The following CNTN5 variants were observed in gnomAD, a reference collection of about 807,000 sequenced individuals.
CNTN5 encodes contactin-5.
CNTN5 carries 77 observed loss-of-function variants against 129.1 expected under a neutral mutation model. The observed-to-expected ratio is 0.60, with a 90% CI of 0.50 to 0.72. CNTN5 has a LOEUF of 0.72. CNTN5 is among the 30% of genes least tolerant of loss of function. CNTN5 has a pLI of 0.00. For synonymous variants in CNTN5, 509 were observed against 465.6 expected, an observed-to-expected ratio of 1.09 and a Z score of -1.20; for missense variants, 1,478 against 1,328.8, an observed-to-expected ratio of 1.11 and a Z score of -1.75.
At chr11:99,647,812 T>A (rs1952021567) in intron 3 of CNTN5, among the ~76,000 whole-genome samples, 1 of 151,864 alleles carries the variant, frequency 6.6e-6, no homozygotes, top group African/African-American at 2.4e-5. Flanking sequence ...TCTATACTAA[T>A]GGGGTTACTT....
chr11:99,101,515 G>C (rs1452900519), intron 1 of CNTN5, among the ~76,000 whole-genome samples: 1 of 152,196 alleles, frequency 6.6e-6, no homozygotes, highest in Admixed American at 6.5e-5. Flanking sequence ...TAGAAACAAT[G>C]GGTACAGACA....
intron 3 of CNTN5, among the ~76,000 whole-genome samples, chr11:99,606,697 A>G (rs1347765352): frequency 1.4e-5 from 2 of 140,422 alleles, no homozygotes; most frequent in Non-Finnish European, 3.2e-5. Flanking sequence ...ACTTCAAACT[A>G]TACTACAAGG....
At chr11:99,146,262 T>A (rs1034434183) in intron 1 of CNTN5, among the ~76,000 whole-genome samples, 4 of 152,146 alleles carry the variant, frequency 2.6e-5, no homozygotes, top group Admixed American at 2.0e-4. Context: ...TGGGTAATAT[T>A]AAAATTGTAT....
At chr11:99,077,852 G>T (rs540374351) in intron 1 of CNTN5, among the ~76,000 whole-genome samples, 1 of 152,198 alleles carries the variant, frequency 6.6e-6, no homozygotes, top group East Asian at 1.9e-4. Flanking sequence ...CCCTTCCCCT[G>T]TAAGTTTGCT....
chr11:99,488,163 T>G (rs1031100873), intron 2 of CNTN5, among the ~76,000 whole-genome samples: 5 of 143,740 alleles, frequency 3.5e-5, no homozygotes, highest in East Asian at 2.0e-4. Context: ...CAAGAAGTTT[T>G]TTTTTTTTTT....
chr11:99,232,101 C>G (rs1244197503), intron 1 of CNTN5, among the ~76,000 whole-genome samples: 1 of 152,126 alleles, frequency 6.6e-6, no homozygotes, highest in African/African-American at 2.4e-5. Flanking sequence ...CAGCTTTGCT[C>G]TTTTTGCTTA....
At chr11:99,668,940 C>A (rs1952915572) in intron 3 of CNTN5, among the ~76,000 whole-genome samples, 1 of 152,110 alleles carries the variant, frequency 6.6e-6, no homozygotes, top group African/African-American at 2.4e-5. Context: ...TCAATATCAA[C>A]TTTAAAATGC....
At chr11:99,944,509 C>T (rs1950513307) in intron 7 of CNTN5, among the ~76,000 whole-genome samples, 1 of 151,930 alleles carries the variant, frequency 6.6e-6, no homozygotes, top group Admixed American at 6.6e-5. Context: ...GAAGTTCTGG[C>T]CAGGGCAATC....
chr11:99,895,323 C>G (rs1259338818), intron 6 of CNTN5, among the ~76,000 whole-genome samples: 2 of 152,278 alleles, frequency 1.3e-5, no homozygotes, highest in African/African-American at 4.8e-5. Flanking sequence ...TTGATCTGTA[C>G]AGTAAGTGAA....
At chr11:99,833,622 T>G (rs1947214308) in intron 4 of CNTN5, among the ~76,000 whole-genome samples, 1 of 152,156 alleles carries the variant, frequency 6.6e-6, no homozygotes, top group Admixed American at 6.5e-5. Flanking sequence ...TTATAATATT[T>G]TAAATTTAGG....
intron 3 of CNTN5, among the ~76,000 whole-genome samples, chr11:99,675,832 T>G (rs2135959394): frequency 6.6e-6 from 1 of 152,312 alleles, no homozygotes. Flanking sequence ...TGTCAACAAG[T>G]AGTTGTGTTA....
At chr11:99,392,194 G>A (rs1941296966) in intron 2 of CNTN5, among the ~76,000 whole-genome samples, 1 of 151,004 alleles carries the variant, frequency 6.6e-6, no homozygotes, top group South Asian at 2.1e-4. Context: ...GGCAGTATTT[G>A]TACTCAATAA....
chr11:100,051,133 G>C (rs920095653), intron 9 of CNTN5, among the ~76,000 whole-genome samples: 1 of 151,946 alleles, frequency 6.6e-6, no homozygotes, highest in Non-Finnish European at 1.5e-5. Flanking sequence ...CAGAAGACAT[G>C]AACACAGCTA....
intron 6 of CNTN5, among the ~76,000 whole-genome samples, chr11:99,911,887 C>T (rs552755583): frequency 4.0e-4 from 61 of 151,864 alleles, no homozygotes; most frequent in Non-Finnish European, 8.2e-4. Flanking sequence ...GTTTTGGCTC[C>T]TCTTAAGTTT....
At chr11:99,234,265 G>T (rs972386925) in intron 1 of CNTN5, among the ~76,000 whole-genome samples, 1 of 152,116 alleles carries the variant, frequency 6.6e-6, no homozygotes, top group Admixed American at 6.6e-5. Flanking sequence ...GTTGGACGGG[G>T]ACGGGGGATG....
intron 9 of CNTN5, among the ~76,000 whole-genome samples, chr11:100,018,809 A>G (rs147786311): frequency 2.4e-4 from 37 of 152,054 alleles, no homozygotes; most frequent in African/African-American, 8.4e-4. Context: ...TGGAGAGTCC[A>G]AGTACCTCCA....
intron 13 of CNTN5, among the ~76,000 whole-genome samples, chr11:100,094,471 A>T (rs1269208316): frequency 6.6e-6 from 1 of 152,168 alleles, no homozygotes; most frequent in Admixed American, 6.6e-5. Flanking sequence ...GAGTCAGTCG[A>T]CTTTTAAACC....
intron 2 of CNTN5, among the ~76,000 whole-genome samples, chr11:99,411,856 G>T (rs577179928): frequency 1.3e-5 from 2 of 152,232 alleles, no homozygotes; most frequent in South Asian, 4.1e-4. Flanking sequence ...ATGGTTGATT[G>T]GTAAAACAAC....
chr11:99,308,832 T>G (rs1864981692), intron 1 of CNTN5, among the ~76,000 whole-genome samples: 1 of 151,750 alleles, frequency 6.6e-6, no homozygotes, highest in Non-Finnish European at 1.5e-5. Flanking sequence ...CTCTCATTCT[T>G]ATTTTTTCCT....
Sources: allele counts gnomAD v4.1 joint callset (sites outside exome capture counted in the v4.1 genomes callset), GRCh38; gene constraint gnomAD v4.1.1; transcripts MANE v1.5; gene names NCBI Gene and HGNC (gene_info 2026-07-23, HGNC 2026-07-21).